Variants in C1orf185 observed in about 807,000 individuals in gnomAD.
C1orf185 encodes uncharacterized protein C1orf185.
Under a neutral mutation model 16.1 loss-of-function variants are expected in C1orf185, and 13 were observed. The ratio of observed to expected loss-of-function variants is 0.81; its 90% CI spans 0.53 to 1.28. The LOEUF (loss-of-function observed/expected upper bound fraction) is 1.28. Among genes scored for constraint, C1orf185 ranks in the 50% most tolerant of loss-of-function variants. The probability of loss-of-function intolerance (pLI) is 0.00; values close to 1 mark genes in which losing one functional copy is unlikely to be tolerated. For missense variants in C1orf185, 220 were observed against 225.2 expected (o/e 0.98, Z 0.15); for synonymous variants, 80 against 76.9 (o/e 1.04, Z -0.21).
In C1orf185 at chr1:51,118,878, A is replaced by T. The variant is rs996388603; in HGVS notation, c.258+77A>T. On this transcript the variant is annotated intron_variant, in intron 3 of 4. Coordinates refer to ENST00000371759, the MANE Select transcript of C1orf185 (RefSeq NM_001136508.2). The stretch of plus-strand genomic sequence containing the variant: ...ATGTTATTAGCATTGCTGTCTTAAA[A>T]TCTGAAGGACAGAGAATCCACTATT... 2.7e-5 allele frequency: 29 copies of T among 1,089,698 alleles called. No individual in the cohort carries two copies. In the East Asian group the frequency reaches 6.8e-4, roughly 26 times the overall value. The allele number at this position is 1,089,698 out of a possible 1,614,324, so 67.5% of individuals were successfully genotyped here.
At chr1:51,127,930 C>T (rs1376919879) in intron 3 of C1orf185, among the ~76,000 whole-genome samples, 1 of 148,916 alleles carries the variant, frequency 6.7e-6, no homozygotes, top group Non-Finnish European at 1.5e-5. Context: ...CTCTGTCACC[C>T]AGGCTGGAAT....
chr1:51,147,829 A>G lies in C1orf185; in HGVS notation c.*58A>G. 7.3e-7 allele frequency: 1 copy of G among 1,370,362 alleles called. No individual in the cohort carries two copies. Among genetic ancestry groups the G allele is most frequent in the South Asian group, 1.5e-5 (1 of 65,480 alleles). The allele number at this position is 1,370,362 out of a possible 1,614,324, so 84.9% of individuals were successfully genotyped here. Reference sequence around the variant, plus strand: ...GTTCATGAAGAAACACAGAGGTTGAAATATAAAACCTTCAACATAATACTG... The same window carrying G: ...GTTCATGAAGAAACACAGAGGTTGAGATATAAAACCTTCAACATAATACTG... On this transcript the variant is annotated 3_prime_UTR_variant, in exon 5 of 5. Coordinates refer to ENST00000371759, the MANE Select transcript of C1orf185 (RefSeq NM_001136508.2).
intron 3 of C1orf185, among the ~76,000 whole-genome samples, chr1:51,131,619 A>AAG (rs987316697): frequency 7.7e-4 from 116 of 151,410 alleles, no homozygotes; most frequent in African/African-American, 2.3e-3. Context: ...AGCAAAAAGA[A>AAG]AGAGAGAGAG....
chr1:51,125,391 C>T (rs571772296), intron 3 of C1orf185, among the ~76,000 whole-genome samples: 1 of 152,212 alleles, frequency 6.6e-6, no homozygotes, highest in African/African-American at 2.4e-5. Flanking sequence ...TAGTGATTCC[C>T]TTGAAGTTTA....
chr1:51,103,702 C>G (rs1359234834), intron 1 of C1orf185, among the ~76,000 whole-genome samples: 1 of 151,898 alleles, frequency 6.6e-6, no homozygotes, highest in African/African-American at 2.4e-5. Context: ...ACTGGTTAAT[C>G]TTGTGTGTTT....
chr1:51,125,927 G>C (rs1646236713), intron 3 of C1orf185, among the ~76,000 whole-genome samples: 1 of 152,174 alleles, frequency 6.6e-6, no homozygotes, highest in Admixed American at 6.5e-5. Context: ...GGTTGCTGAG[G>C]TGGGTGGATT....
intron 3 of C1orf185, among the ~76,000 whole-genome samples, chr1:51,138,750 C>T (rs901690430): frequency 1.3e-5 from 2 of 151,922 alleles, no homozygotes; most frequent in Non-Finnish European, 2.9e-5. Flanking sequence ...TGCAGTGGTG[C>T]AATCTCAGCT....
At chr1:51,119,620 C>G (rs1646183177) in intron 3 of C1orf185, among the ~76,000 whole-genome samples, 1 of 152,208 alleles carries the variant, frequency 6.6e-6, no homozygotes, top group Non-Finnish European at 1.5e-5. Flanking sequence ...CAGCGAAACC[C>G]TATCTCTATA....
At chr1:51,103,450 A>ACACACACACACACACAC (rs756442424) in intron 1 of C1orf185, among the ~76,000 whole-genome samples, 1 of 51,830 alleles carries the variant, frequency 1.9e-5, no homozygotes, top group Non-Finnish European at 5.4e-5. Context: ...CACACACACA[A>ACACACACACACACACAC]AAACCACGAA....
At chr1:51,129,542 G>A (rs1472090306) in intron 3 of C1orf185, 1 of 152,460 alleles carries the variant, frequency 6.6e-6, no homozygotes, top group Non-Finnish European at 1.5e-5. Flanking sequence ...CTCCTGAGTA[G>A]CTAGGACTAC....
chr1:51,143,215 C>T (rs996846032), intron 3 of C1orf185, among the ~76,000 whole-genome samples: 1 of 152,178 alleles, frequency 6.6e-6, no homozygotes, highest in Admixed American at 6.5e-5. Context: ...ATACGAATAT[C>T]CTTCTTTTTA....
At chr1:51,138,485 CG>C (rs1435859589) in intron 3 of C1orf185, among the ~76,000 whole-genome samples, 1 of 151,824 alleles carries the variant, frequency 6.6e-6, no homozygotes, top group Admixed American at 6.6e-5. Context: ...CTCTGCCTCC[CG>C]GGTTCACGCC....
At chr1:51,124,362 G>GT (rs377478610) in intron 3 of C1orf185, among the ~76,000 whole-genome samples, 23 of 152,288 alleles carry the variant, frequency 1.5e-4, no homozygotes, top group African/African-American at 5.5e-4. Flanking sequence ...GATTATAGGC[G>GT]TGAGCCACTG....
At chr1:51,125,126 C>G (rs999503031) in intron 3 of C1orf185, among the ~76,000 whole-genome samples, 1 of 152,098 alleles carries the variant, frequency 6.6e-6, no homozygotes, top group African/African-American at 2.4e-5. Flanking sequence ...CGGTTGGAAG[C>G]CTTGTGCCAG....
intron 4 of C1orf185, among the ~76,000 whole-genome samples, chr1:51,146,000 A>ATTTGT (rs1646396546): frequency 6.6e-6 from 1 of 152,226 alleles, no homozygotes; most frequent in Non-Finnish European, 1.5e-5. Context: ...TTTGTACTCA[A>ATTTGT]AGGTATCATA....
At position 51,102,263 on chromosome 1, in the gene C1orf185, G is replaced by A. The variant is rs1330929885; in HGVS notation, c.16+14G>A. On this transcript the variant is annotated intron_variant, in intron 1 of 4. Transcript: ENST00000371759. ...CTTCACCTAAAGGTATGAGAAGCTG[G>A]GTCATGTAGTCTAGCTTTTTGCCTG... The A allele has an allele frequency of 4.2e-6, 3 of 714,390 alleles. No individual in the cohort carries two copies. Among genetic ancestry groups the A allele is most frequent in the Admixed American group, 4.0e-5 (2 of 49,804 alleles). The allele number at this position is 714,390 out of a possible 1,614,324, so 44.3% of individuals were successfully genotyped here. A position where few individuals can be genotyped will look rare whatever the true frequency, so the allele number is the denominator to read the frequency against.
At chr1:51,119,971 A>G (rs1363453993) in intron 3 of C1orf185, among the ~76,000 whole-genome samples, 1 of 152,216 alleles carries the variant, frequency 6.6e-6, no homozygotes, top group Non-Finnish European at 1.5e-5. Context: ...CACAAAGTTG[A>G]AGAAGTGCAG....
downstream of C1orf185, chr1:51,148,165 C>T (rs1224903529): frequency 6.0e-6 from 1 of 165,668 alleles, no homozygotes; most frequent in East Asian, 1.7e-4. Context: ...GCTCTATTGC[C>T]CAGGCTAGAG....
chr1:51,114,595 C>T (rs1244981304), intron 2 of C1orf185, among the ~76,000 whole-genome samples: 2 of 152,098 alleles, frequency 1.3e-5, no homozygotes, highest in South Asian at 2.1e-4. Context: ...TGGTGGTACA[C>T]GCCTGTAACC....
Sources: gnomAD v4.1 joint callset for allele counts (sites outside exome capture counted in the v4.1 genomes callset) on GRCh38, gnomAD v4.1.1 for gene constraint, MANE v1.5 for transcripts, NCBI Gene and HGNC (gene_info 2026-07-23, HGNC 2026-07-21) for gene names.